ESS2: variants seen among roughly 807,000 people sequenced by gnomAD.
The protein encoded by ESS2 is splicing factor ESS-2 homolog.
A neutral mutation model predicts 52.0 loss-of-function variants in ESS2; 31 were observed. That is an observed-to-expected ratio of 0.60 (90% CI 0.45 to 0.81). The LOEUF is 0.81. ESS2 is among the 30% of genes least tolerant of loss of function. The probability of loss-of-function intolerance (pLI) is 0.00; values close to 1 mark genes in which losing one functional copy is unlikely to be tolerated. For synonymous variants in ESS2, 285 were observed against 259.2 expected, an observed-to-expected ratio of 1.10 and a Z score of -0.95; for missense variants, 602 against 637.2, an observed-to-expected ratio of 0.94 and a Z score of 0.59.
intron 8 of ESS2, among the ~76,000 whole-genome samples, chr22:19,136,294 AAACT>A (rs1569106823): frequency 7.5e-6 from 1 of 132,498 alleles, no homozygotes; most frequent in African/African-American, 2.8e-5. Context: ...CCCAAAAATC[AAACT>A]AAATATTCGC....
At chr22:19,138,542 C>T in intron 6 of ESS2, 1 of 653,838 alleles carries the variant, frequency 1.5e-6, no homozygotes, top group Non-Finnish European at 2.8e-6. Context: ...CAAGGAAAGC[C>T]CCCTCCTCCC....
intron 7 of ESS2, 116 bp downstream of exon 7, chr22:19,138,099 C>G: frequency 6.5e-7 from 1 of 1,535,126 alleles, no homozygotes; most frequent in Non-Finnish European, 8.7e-7. Context: ...CCCTGAGTTA[C>G]ACAAGGTGTG....
In ESS2 at chr22:19,131,455, G is replaced by A; in HGVS notation, c.*2741C>T. 1 of 1,614,012 alleles carries A rather than the reference G, an allele frequency of 6.2e-7. No individual in the cohort carries two copies. ...GGTTACATCGTAGGCATCAATCTTG[G>A]CAAGGGTTCCTACGCAAAAGTCAAA... is the stretch of plus-strand genomic sequence containing the variant. On this transcript the variant is annotated 3_prime_UTR_variant, in exon 10 of 10. Coordinates refer to ENST00000252137, the MANE Select transcript of ESS2 (RefSeq NM_022719.3). The surrounding 1 kb of genome is among the most constrained non-coding windows in gnomAD (Gnocchi z 5.7).
chr22:19,131,783 C>T lies in ESS2; in HGVS notation c.*2413G>A, dbSNP rs747439680. The stretch of plus-strand genomic sequence containing the variant: ...TCTCCTCCGCCGTCAAGTACTGCCA[C>T]GACCTGGACATCGTCCACCGGGACC... On this transcript the variant is annotated 3_prime_UTR_variant, in exon 10 of 10. Transcript: ENST00000252137. The surrounding 1 kb of genome is among the most constrained non-coding windows in gnomAD (Gnocchi z 5.7). 12 of 1,614,074 alleles carry T rather than the reference C, an allele frequency of 7.4e-6. No homozygotes were observed. Among genetic ancestry groups the T allele is most frequent in the South Asian group, 2.2e-5 (2 of 91,080 alleles).
chr22:19,142,694 T>C (rs370814018), intron 2 of ESS2, 32 bp downstream of exon 2: 17 of 1,610,336 alleles, frequency 1.1e-5, no homozygotes, highest in African/African-American at 1.3e-5. Flanking sequence ...CAGCAGGCTT[T>C]CCCCTCTCCG....
At chr22:19,137,641 G>T (rs2083606938) in intron 7 of ESS2, 6 of 780,974 alleles carry the variant, frequency 7.7e-6, no homozygotes, top group Admixed American at 6.3e-5. Flanking sequence ...GCAGGCTCAA[G>T]GCCCTACAGC....
At chr22:19,137,194 A>C (rs1412167893) in intron 8 of ESS2, 129 bp downstream of exon 8, 1 of 675,412 alleles carries the variant, frequency 1.5e-6, no homozygotes, top group Non-Finnish European at 2.5e-6. Flanking sequence ...CCTGGCATTC[A>C]GAAAAGCCAG....
rs369834780 is a variant in ESS2, at chr22:19,135,085, G to A, written c.1126C>T (p.Arg376Trp). The A allele has an allele frequency of 1.9e-6, 3 of 1,613,864 alleles. No homozygotes were observed. The highest frequency in any genetic ancestry group is 1.7e-6 in the Non-Finnish European group (2 of 1,179,968). The change falls in exon 9 of 10, where the codon CGG (arginine) becomes TGG (tryptophan). Residue 376 changes from arginine to tryptophan, a missense_variant. Physicochemically the swap from Arg to Trp is moderately radical, Grantham distance 101 (BLOSUM62 -3). Coordinates refer to ENST00000252137, the MANE Select transcript of ESS2 (RefSeq NM_022719.3). Reference protein sequence around the residue: ...KNRAKKQEALRRVTENLASLT... With the variant: ...KNRAKKQEALWRVTENLASLT... ...CTGGCCAGATTCTCCGTCACTCTCC[G>A]CAAGGCTTCCTGCTTCTTGGCCCGG... is the stretch of plus-strand genomic sequence containing the variant.
chr22:19,131,279 G>A lies in ESS2; in HGVS notation c.*2917C>T, dbSNP rs1312547731. 3 of 808,270 alleles carry A rather than the reference G, an allele frequency of 3.7e-6. No individual in the cohort carries two copies. The highest frequency in any genetic ancestry group is 6.0e-6 in the Non-Finnish European group (3 of 500,108). 50.1% of individuals were successfully genotyped at this position (808,270 alleles called of 1,614,324 possible). A position where few individuals can be genotyped will look rare whatever the true frequency, so the allele number is the denominator to read the frequency against. ...ACAATGCTGAGTGTTCCACCCCTGA[G>A]TCGAAGCCCAGCCCAGGGCAGCCCA... is the stretch of plus-strand genomic sequence containing the variant. On this transcript the variant is annotated 3_prime_UTR_variant, in exon 10 of 10. Coordinates refer to ENST00000252137, the MANE Select transcript of ESS2 (RefSeq NM_022719.3). This position sits in a 1 kb window ranked among gnomAD's most constrained non-coding sequence, Gnocchi z 5.7.
At chr22:19,138,443 G>A in intron 6 of ESS2, 126 bp from the exon 7 acceptor site, 1 of 929,772 alleles carries the variant, frequency 1.1e-6, no homozygotes, top group Non-Finnish European at 1.7e-6. Context: ...GGGGCTCTGG[G>A]GTTGGCAGCC....
intron 1 of ESS2, 130 bp from the exon 2 acceptor site, chr22:19,143,024 G>C: frequency 1.2e-6 from 1 of 858,232 alleles, no homozygotes; most frequent in South Asian, 1.7e-5. Flanking sequence ...GGCCAACATG[G>C]TGAAACCCAG....
intron 3 of ESS2, among the ~76,000 whole-genome samples, chr22:19,141,121 GAAA>G (rs202201984): frequency 7.6e-6 from 1 of 131,710 alleles, no homozygotes. Context: ...ATCTCTATAG[GAAA>G]AAAAAAAAAA....
Position 19,134,188 on chromosome 22 carries a change from G to A in ESS2, c.*8C>T, listed in dbSNP as rs766334460. On this transcript the variant is annotated 3_prime_UTR_variant, in exon 10 of 10. Coordinates refer to ENST00000252137, the MANE Select transcript of ESS2 (RefSeq NM_022719.3). ...TGAAGCGTCTATGAGCCCAGCCCAG[G>A]CCTGGCTCTAAAAGAAGTCCGAAGC... 4.0e-6 allele frequency: 6 copies of A among 1,507,800 alleles called. No individual in the cohort carries two copies. The South Asian group carries it at 5.3e-5, about 13-fold the overall frequency. The allele number at this position is 1,507,800 out of a possible 1,614,324, so 93.4% of individuals were successfully genotyped here. A position where few individuals can be genotyped will look rare whatever the true frequency, so the allele number is the denominator to read the frequency against.
At chr22:19,135,411 T>C (rs1250283450) in intron 8 of ESS2, among the ~76,000 whole-genome samples, 1 of 152,192 alleles carries the variant, frequency 6.6e-6, no homozygotes, top group Admixed American at 6.5e-5. Context: ...CCTCTGACAA[T>C]CTCTCAGGAA....
intron 8 of ESS2, 63 bp from the exon 9 acceptor site, chr22:19,135,238 C>G: frequency 7.5e-7 from 1 of 1,339,302 alleles, no homozygotes; most frequent in Non-Finnish European, 1.1e-6. Flanking sequence ...CAGCCCCTCA[C>G]ACAGAAAGCC....
At chr22:19,138,056 C>A in intron 7 of ESS2, 159 bp downstream of exon 7, 1 of 985,412 alleles carries the variant, frequency 1.0e-6, no homozygotes, top group Non-Finnish European at 1.2e-6. Context: ...GGACACCTGG[C>A]CTCTAGGGCC....
At chr22:19,140,458 C>T (rs1601359774) in intron 3 of ESS2, among the ~76,000 whole-genome samples, 2 of 152,190 alleles carry the variant, frequency 1.3e-5, no homozygotes, top group Admixed American at 1.3e-4. Context: ...CCACTCTTCT[C>T]TTCCTGGTAC....
At chr22:19,135,010 G>A in intron 9 of ESS2, 50 bp downstream of exon 9, 1 of 1,555,536 alleles carries the variant, frequency 6.4e-7, no homozygotes, top group South Asian at 1.1e-5. Context: ...CCGAACAGGA[G>A]CAGGCCAGAG....
At chr22:19,143,403 C>A (rs1220643583) in intron 1 of ESS2, among the ~76,000 whole-genome samples, 1 of 152,024 alleles carries the variant, frequency 6.6e-6, no homozygotes, top group Non-Finnish European at 1.5e-5. Flanking sequence ...CATGCTGCAA[C>A]CTCTAACATT....
Sources: allele counts gnomAD v4.1 joint callset (sites outside exome capture counted in the v4.1 genomes callset), GRCh38; gene constraint gnomAD v4.1.1; non-coding constraint Gnocchi (gnomAD v3.1); transcripts MANE v1.5; gene names NCBI Gene and HGNC (gene_info 2026-07-23, HGNC 2026-07-21).